Variants in SPON1 observed in about 807,000 individuals in gnomAD.
SPON1 encodes the protein spondin 1.
A neutral mutation model predicts 111.7 loss-of-function variants in SPON1; 52 were observed. That is an observed-to-expected ratio of 0.47 (90% CI 0.37 to 0.59). The LOEUF is 0.59. SPON1 is among the 20% of genes least tolerant of loss of function. SPON1 has a pLI of 0.00. For missense variants in SPON1, 957 were observed against 1,068.5 expected, an observed-to-expected ratio of 0.90 and a Z score of 1.46; for synonymous variants, 410 against 395.8, an observed-to-expected ratio of 1.04 and a Z score of -0.43.
At chr11:14,077,210 A>G (rs1436148853) in intron 4 of SPON1, among the ~76,000 whole-genome samples, 3 of 152,056 alleles carry the variant, frequency 2.0e-5, no homozygotes, top group Non-Finnish European at 4.4e-5. Flanking sequence ...TCTCCTAAGA[A>G]CCCTCAGCTC....
At chr11:14,263,871 G>T (rs781899633) in intron 15 of SPON1, among the ~76,000 whole-genome samples, 2 of 151,624 alleles carry the variant, frequency 1.3e-5, no homozygotes, top group South Asian at 2.1e-4. Flanking sequence ...TCTACTAAAA[G>T]TACAAAAATT....
chr11:13,997,620 G>A (rs1554911949), intron 2 of SPON1, among the ~76,000 whole-genome samples: 1 of 152,220 alleles, frequency 6.6e-6, no homozygotes, highest in African/African-American at 2.4e-5. Flanking sequence ...GACCACTAAG[G>A]AGCACATCTG....
At chr11:14,146,114 A>G (rs1320352842) in intron 6 of SPON1, among the ~76,000 whole-genome samples, 3 of 147,206 alleles carry the variant, frequency 2.0e-5, no homozygotes, top group Admixed American at 1.4e-4. Context: ...GGCCTCTTGT[A>G]TTGCTTGAAT....
chr11:14,102,063 A>C (rs1306347970), intron 5 of SPON1, among the ~76,000 whole-genome samples: 2 of 152,184 alleles, frequency 1.3e-5, no homozygotes, highest in Admixed American at 1.3e-4. Flanking sequence ...TTCAGTGTGT[A>C]TTTCCTGAAT....
At chr11:14,182,316 C>T (rs1403079500) in intron 6 of SPON1, among the ~76,000 whole-genome samples, 3 of 152,138 alleles carry the variant, frequency 2.0e-5, no homozygotes, top group East Asian at 1.9e-4. Context: ...AATCCCATGG[C>T]GCGCTGTAGA....
intron 6 of SPON1, among the ~76,000 whole-genome samples, chr11:14,200,261 C>T (rs900860668): frequency 1.3e-5 from 2 of 152,102 alleles, no homozygotes; most frequent in Non-Finnish European, 2.9e-5. Context: ...AGACCAAGAA[C>T]TTTGGGTTAT....
At chr11:14,016,251 T>C (rs1399640864) in intron 2 of SPON1, among the ~76,000 whole-genome samples, 1 of 152,272 alleles carries the variant, frequency 6.6e-6, no homozygotes, top group Non-Finnish European at 1.5e-5. Flanking sequence ...ACTTTACACA[T>C]GTGATCTCAT....
intron 3 of SPON1, among the ~76,000 whole-genome samples, chr11:14,058,174 C>G (rs1848761960): frequency 6.6e-6 from 1 of 152,030 alleles, no homozygotes; most frequent in African/African-American, 2.4e-5. Context: ...ACACTGGGTT[C>G]AATCAGGAAG....
intron 2 of SPON1, among the ~76,000 whole-genome samples, chr11:14,011,791 T>A (rs1328874079): frequency 6.6e-6 from 1 of 152,114 alleles, no homozygotes; most frequent in Admixed American, 6.5e-5. Context: ...GGAGGAGTGT[T>A]GCTTGGAGAG....
chr11:14,220,523 A>G (rs1564933888), intron 6 of SPON1, among the ~76,000 whole-genome samples: 1 of 152,210 alleles, frequency 6.6e-6, no homozygotes, highest in Admixed American at 6.5e-5. Flanking sequence ...ATTTTTGTTC[A>G]TTATATATTT....
chr11:14,093,627 T>C (rs1181263955), intron 5 of SPON1, among the ~76,000 whole-genome samples: 3 of 152,260 alleles, frequency 2.0e-5, no homozygotes, highest in Non-Finnish European at 4.4e-5. Context: ...AAGTTCATTT[T>C]ACAATGAAAT....
chr11:14,030,840 C>T (rs1358915862), intron 2 of SPON1, among the ~76,000 whole-genome samples: 1 of 152,192 alleles, frequency 6.6e-6, no homozygotes. Flanking sequence ...TTTGTTCCAG[C>T]AATCCCATTA....
intron 6 of SPON1, among the ~76,000 whole-genome samples, chr11:14,141,098 C>G (rs782596739): frequency 6.6e-6 from 1 of 151,932 alleles, no homozygotes; most frequent in Non-Finnish European, 1.5e-5. Flanking sequence ...CCCCCGCCTC[C>G]AGCTCCTGGG....
chr11:14,189,258 C>T (rs1208107903), intron 6 of SPON1, among the ~76,000 whole-genome samples: 1 of 152,208 alleles, frequency 6.6e-6, no homozygotes, highest in Non-Finnish European at 1.5e-5. Context: ...ATAAAATACA[C>T]AGCTCAAAAC....
At chr11:14,149,364 A>G (rs868911829) in intron 6 of SPON1, among the ~76,000 whole-genome samples, 2 of 152,254 alleles carry the variant, frequency 1.3e-5, no homozygotes, top group South Asian at 4.1e-4. Context: ...ATAAAGAATG[A>G]AAACATTCTT....
intron 2 of SPON1, among the ~76,000 whole-genome samples, chr11:13,983,438 C>T (rs1285315444): frequency 6.6e-6 from 1 of 152,216 alleles, no homozygotes; most frequent in Non-Finnish European, 1.5e-5. Context: ...GCCAAATGAA[C>T]AGGGCCGAGT....
chr11:14,054,791 G>A (rs1398006263), intron 3 of SPON1, among the ~76,000 whole-genome samples: 1 of 152,172 alleles, frequency 6.6e-6, no homozygotes, highest in Non-Finnish European at 1.5e-5. Context: ...AGCAATCAGA[G>A]CCCTTGGAAC....
At chr11:14,218,130 A>G (rs1203025266) in intron 6 of SPON1, among the ~76,000 whole-genome samples, 1 of 152,212 alleles carries the variant, frequency 6.6e-6, no homozygotes, top group African/African-American at 2.4e-5. Context: ...GTGCTGAAAC[A>G]AATATAGATA....
At chr11:14,030,587 C>T (rs1392648885) in intron 2 of SPON1, among the ~76,000 whole-genome samples, 7 of 152,100 alleles carry the variant, frequency 4.6e-5, no homozygotes, top group South Asian at 2.1e-4. Context: ...GGTAAGAATC[C>T]GTTTGAAGAG....
Sources: gnomAD v4.1 joint callset for allele counts (sites outside exome capture counted in the v4.1 genomes callset) on GRCh38, gnomAD v4.1.1 for gene constraint, MANE v1.5 for transcripts, NCBI Gene and HGNC (gene_info 2026-07-23, HGNC 2026-07-21) for gene names.